Variants in SLC14A2 observed in about 807,000 individuals in gnomAD.
SLC14A2 encodes urea transporter 2.
In SLC14A2, 91 loss-of-function variants were observed where a neutral mutation model predicts 104.6. The observed-to-expected ratio is 0.87, with a 90% confidence interval of 0.73 to 1.04. The LOEUF (loss-of-function observed/expected upper bound fraction) is 1.04, where lower values mean the gene tolerates loss of function less well. Ranked by LOEUF, SLC14A2 falls within the 50% of genes least tolerant of loss-of-function variation. The pLI, the probability that SLC14A2 is intolerant of heterozygous loss-of-function variation, is 0.00. For synonymous variants in SLC14A2, 476 were observed against 466.4 expected (o/e 1.02, Z -0.27); for missense variants, 1,189 against 1,156.0 (o/e 1.03, Z -0.41).
intron 18 of SLC14A2, 121 bp from the exon 19 acceptor site, chr18:45,678,853 TA>T: frequency 1.1e-6 from 1 of 906,886 alleles, no homozygotes; most frequent in Non-Finnish European, 1.6e-6. Context: ...CTCAAATTTT[TA>T]AAAAATCTTA....
chr18:45,469,868 T>C (rs1015170019), intron 1 of SLC14A2, among the ~76,000 whole-genome samples: 19 of 152,160 alleles, frequency 1.2e-4, no homozygotes, highest in Non-Finnish European at 2.2e-4. Context: ...GGACACATTA[T>C]AAAGGAACTT....
chr18:45,292,193 C>T (rs985840375), intron 1 of SLC14A2, among the ~76,000 whole-genome samples: 6 of 152,104 alleles, frequency 3.9e-5, no homozygotes, highest in Non-Finnish European at 5.9e-5. Flanking sequence ...ATGTCTTTTG[C>T]GGCAACCCCT....
At chr18:45,284,015 A>G (rs920122322) in intron 1 of SLC14A2, among the ~76,000 whole-genome samples, 2 of 152,240 alleles carry the variant, frequency 1.3e-5, no homozygotes, top group African/African-American at 2.4e-5. Context: ...TTCAAATGAC[A>G]GTATTTTGGA....
chr18:45,536,339 T>G (rs1488717562), intron 2 of SLC14A2, among the ~76,000 whole-genome samples: 1 of 152,200 alleles, frequency 6.6e-6, no homozygotes, highest in Non-Finnish European at 1.5e-5. Flanking sequence ...CAACAGAAAT[T>G]TATCCTTTCA....
intron 2 of SLC14A2, among the ~76,000 whole-genome samples, chr18:45,556,019 A>T (rs891402951): frequency 1.4e-4 from 21 of 152,242 alleles, no homozygotes; most frequent in African/African-American, 4.6e-4. Context: ...TATTTCTCAC[A>T]ATTCTGAAAG....
At chr18:45,349,007 T>C (rs746321509) in intron 1 of SLC14A2, among the ~76,000 whole-genome samples, 13 of 152,352 alleles carry the variant, frequency 8.5e-5, no homozygotes, top group South Asian at 4.1e-4. Flanking sequence ...GTATCGGTGA[T>C]AAACCCGTTG....
At chr18:45,344,386 C>T (rs1391554991) in intron 1 of SLC14A2, among the ~76,000 whole-genome samples, 1 of 152,160 alleles carries the variant, frequency 6.6e-6, no homozygotes, top group African/African-American at 2.4e-5. Context: ...CCCCAAGTTC[C>T]GCTGGCTGGC....
intron 1 of SLC14A2, among the ~76,000 whole-genome samples, chr18:45,273,119 G>A (rs141522087): frequency 6.6e-5 from 10 of 152,140 alleles, no homozygotes; most frequent in Admixed American, 6.6e-5. Context: ...GAGGTGTCCC[G>A]ATATCATCAG....
chr18:45,345,651 T>G, intron 1 of SLC14A2, among the ~76,000 whole-genome samples: 1 of 152,196 alleles, frequency 6.6e-6, no homozygotes, highest in East Asian at 1.9e-4. Context: ...ATTCCACAGC[T>G]TATTTATCCA....
In SLC14A2 at chr18:45,667,882, T is replaced by C. The variant is rs201898533; in HGVS notation, c.1767T>C (p.Ser589=). The C allele has an allele frequency of 6.2e-7, 1 of 1,614,088 alleles. No homozygotes were observed. Among genetic ancestry groups the C allele is most frequent in the African/African-American group, 1.3e-5 (1 of 75,030 alleles). The change falls in exon 14 of 20, where the codon TCT becomes TCC. Residue 589 remains serine (S), a synonymous_variant. Coordinates refer to ENST00000255226, the MANE Select transcript of SLC14A2 (RefSeq NM_007163.4). ...TTGACTGGGTCCTCCGAGGCACATC[T>C]CAAGTGATGTTTGTGAACAACCCCC... ...QFFDWVLRGT[S]QVMFVNNPLS...
chr18:45,359,870 G>A (rs1046871440), intron 1 of SLC14A2, among the ~76,000 whole-genome samples: 4 of 152,210 alleles, frequency 2.6e-5, no homozygotes, highest in African/African-American at 7.2e-5. Flanking sequence ...CAGCTTTCTG[G>A]ACAGAAACAG....
chr18:45,420,711 G>A (rs753639303), intron 1 of SLC14A2, among the ~76,000 whole-genome samples: 1 of 151,654 alleles, frequency 6.6e-6, no homozygotes, highest in Non-Finnish European at 1.5e-5. Context: ...TTTGCCAATC[G>A]TTTGGTACAG....
At chr18:45,330,108 G>A (rs1490364172) in intron 1 of SLC14A2, among the ~76,000 whole-genome samples, 2 of 152,148 alleles carry the variant, frequency 1.3e-5, no homozygotes, top group Non-Finnish European at 1.5e-5. Context: ...GTGACTGAAG[G>A]AGGGTCTGAA....
intron 2 of SLC14A2, among the ~76,000 whole-genome samples, chr18:45,534,488 T>C (rs2043750683): frequency 1.3e-5 from 2 of 152,168 alleles, no homozygotes; most frequent in Non-Finnish European, 2.9e-5. Context: ...TCTGAGCTTC[T>C]TCATTTTATT....
chr18:45,185,351 C>T, the SLC14A2 span, among the ~76,000 whole-genome samples: 2 of 152,120 alleles, frequency 1.3e-5, no homozygotes, highest in Non-Finnish European at 2.9e-5. Context: ...AAGCATGAGG[C>T]AAAAGGCATG....
chr18:45,475,642 G>GATAT (rs137928157), intron 1 of SLC14A2, among the ~76,000 whole-genome samples: 8 of 49,220 alleles, frequency 1.6e-4, no homozygotes, highest in East Asian at 5.0e-4. Flanking sequence ...ATATATTTAG[G>GATAT]ATATATATAT....
chr18:45,318,563 G>A (rs567667007), intron 1 of SLC14A2, among the ~76,000 whole-genome samples: 26 of 152,184 alleles, frequency 1.7e-4, no homozygotes, highest in African/African-American at 5.3e-4. Flanking sequence ...TGAGGTGGGC[G>A]GATCACCTGA....
chr18:45,565,401 C>T (rs796846955), intron 2 of SLC14A2, among the ~76,000 whole-genome samples: 4 of 152,154 alleles, frequency 2.6e-5, no homozygotes, highest in African/African-American at 9.6e-5. Context: ...GCTGGGATTA[C>T]AGGCATGAGC....
At chr18:45,403,799 T>C (rs1322916342) in intron 1 of SLC14A2, among the ~76,000 whole-genome samples, 5 of 59,818 alleles carry the variant, frequency 8.4e-5, no homozygotes, top group Non-Finnish European at 2.0e-4. Context: ...TGAGTGGACA[T>C]TCTATGAGTC....
Sources: allele counts gnomAD v4.1 joint callset (sites outside exome capture counted in the v4.1 genomes callset), GRCh38; gene constraint gnomAD v4.1.1; transcripts MANE v1.5; gene names NCBI Gene and HGNC (gene_info 2026-07-23, HGNC 2026-07-21).